ANKRD30A: variants seen among roughly 807,000 people sequenced by gnomAD.
ANKRD30A encodes the protein ankyrin repeat domain 30A.
A neutral mutation model predicts 166.3 loss-of-function variants in ANKRD30A; 170 were observed. The ratio of observed to expected loss-of-function variants is 1.02; its 90% confidence interval spans 0.90 to 1.16. ANKRD30A has a LOEUF of 1.16. Ranked by LOEUF, ANKRD30A falls within the 50% of genes most tolerant of loss-of-function variation. The probability of loss-of-function intolerance (pLI) is 0.00; values close to 1 mark genes in which losing one functional copy is unlikely to be tolerated. For synonymous variants in ANKRD30A, 564 were observed against 508.9 expected, an observed-to-expected ratio of 1.11 and a Z score of -1.46; for missense variants, 1,630 against 1,518.0, an observed-to-expected ratio of 1.07 and a Z score of -1.23.
At position 37,201,236 on chromosome 10, in the gene ANKRD30A, G is replaced by C; in HGVS notation, c.2780G>C (p.Ser927Thr). The change falls in exon 31 of 36, where the codon AGT becomes ACT. Residue 927 changes from serine to threonine, a missense_variant and splice_region_variant. By Grantham distance (58) the Ser-to-Thr change is moderately conservative. Coordinates refer to ENST00000361713, the MANE Select transcript of ANKRD30A (RefSeq NM_052997.3). ...ATTTATTGATATTACTTTTAACAGA[G>C]TCTCCGTGAGACTGTTTCACAGAAG... The part of the protein sequence containing the change: ...KVEENSWDSE[S>T]LRETVSQKDV... The C allele has an allele frequency of 6.4e-7, 1 of 1,554,710 alleles. No individual in the cohort carries two copies. Among genetic ancestry groups the C allele is most frequent in the Non-Finnish European group, 8.7e-7 (1 of 1,153,980 alleles).
chr10:37,213,285 T>C (rs531954168), intron 31 of ANKRD30A, among the ~76,000 whole-genome samples: 1 of 151,938 alleles, frequency 6.6e-6, no homozygotes, highest in Admixed American at 6.6e-5. Flanking sequence ...CACTTCATGA[T>C]TCATCGATGC....
At chr10:37,196,449 C>T (rs1482034430) in intron 27 of ANKRD30A, among the ~76,000 whole-genome samples, 3 of 152,018 alleles carry the variant, frequency 2.0e-5, no homozygotes, top group Non-Finnish European at 4.4e-5. Context: ...GGTAAAATTG[C>T]CATTCCATAA....
At chr10:37,223,620 A>G (rs1302551816) in intron 34 of ANKRD30A, among the ~76,000 whole-genome samples, 1 of 151,416 alleles carries the variant, frequency 6.6e-6, no homozygotes, top group Non-Finnish European at 1.5e-5. Context: ...AATTCCACAA[A>G]TGATACTAAT....
At chr10:37,162,279 T>C (rs965956678) in intron 15 of ANKRD30A, among the ~76,000 whole-genome samples, 14 of 152,174 alleles carry the variant, frequency 9.2e-5, no homozygotes, top group African/African-American at 2.9e-4. Context: ...TTTCCGAAGA[T>C]AGGCTATATT....
intron 15 of ANKRD30A, among the ~76,000 whole-genome samples, chr10:37,159,796 G>T (rs1489266236): frequency 6.6e-6 from 1 of 151,992 alleles, no homozygotes; most frequent in Non-Finnish European, 1.5e-5. Flanking sequence ...CCGGGTTCAC[G>T]CCATTCTCCT....
chr10:37,127,857 C>T (rs898187930), intron 1 of ANKRD30A, among the ~76,000 whole-genome samples: 12 of 151,882 alleles, frequency 7.9e-5, no homozygotes, highest in Non-Finnish European at 1.5e-4. Flanking sequence ...TGGTAAGTAC[C>T]ATATTTAAAA....
rs574125577 is a variant in ANKRD30A at position 37,179,101 on chromosome 10, T to C, written c.2421+2883T>C. On this transcript the variant is annotated intron_variant, in intron 24 of 35. Coordinates refer to ENST00000361713, the MANE Select transcript of ANKRD30A (RefSeq NM_052997.3). The stretch of plus-strand genomic sequence containing the variant: ...GTATGTATGTTTTTGACGTTCACAA[T>C]TTGAATAAGATATACTTGAATGTAA... Among the ~76,000 whole-genome samples, 190 of 149,176 alleles carry C rather than the reference T, an allele frequency of 1.3e-3. 1 individual carries two copies. The highest frequency in any genetic ancestry group is 4.6e-3 in the African/African-American group (187 of 40,882).
chr10:37,161,016 G>A (rs1838812923), intron 15 of ANKRD30A, among the ~76,000 whole-genome samples: 1 of 152,238 alleles, frequency 6.6e-6, no homozygotes, highest in Non-Finnish European at 1.5e-5. Flanking sequence ...CACGTTGGGA[G>A]GCCGTGACTG....
Position 37,159,212 on chromosome 10 carries a change from C to A in ANKRD30A, c.1900+626C>A, listed in dbSNP as rs1312289383. ...ATTAGTTTTTGCTGTCATTCCCATG[C>A]ACGTTTAAAACATTTTACAACAGGC... On this transcript the variant is annotated intron_variant, in intron 15 of 35. Transcript: ENST00000361713. Among the ~76,000 whole-genome samples, 6 of 152,126 alleles carry A rather than the reference C, an allele frequency of 3.9e-5. No homozygotes were observed. The South Asian group carries it at 1.0e-3, about 26-fold the overall frequency.
intron 31 of ANKRD30A, among the ~76,000 whole-genome samples, chr10:37,206,336 G>C (rs1304662838): frequency 1.3e-5 from 2 of 152,144 alleles, no homozygotes; most frequent in African/African-American, 4.8e-5. Flanking sequence ...ATTGGAAGAA[G>C]GAGGTATTAC....
intron 29 of ANKRD30A, among the ~76,000 whole-genome samples, chr10:37,197,968 C>G (rs1329543987): frequency 2.6e-5 from 4 of 151,694 alleles, no homozygotes; most frequent in African/African-American, 9.7e-5. Context: ...GTGTGTGTGT[C>G]TGCGTGTGTG....
intron 8 of ANKRD30A, 30 bp downstream of exon 8, chr10:37,145,086 A>T (rs1837402772): frequency 6.7e-7 from 1 of 1,492,474 alleles, no homozygotes; most frequent in Non-Finnish European, 9.1e-7. Context: ...TTATTCTCTA[A>T]AAATATTAAT....
intron 31 of ANKRD30A, among the ~76,000 whole-genome samples, chr10:37,206,041 C>A (rs1767365): frequency 0.37 from 56,411 of 151,828 alleles, 10,788 homozygotes; most frequent in Admixed American, 0.42. Context: ...GGTTAAAAAG[C>A]AAAAACAGAA....
chr10:37,239,662 C>T, the ANKRD30A span, among the ~76,000 whole-genome samples: 2 of 152,042 alleles, frequency 1.3e-5, no homozygotes, highest in African/African-American at 4.8e-5. Context: ...ATTCTCTAAC[C>T]TTTGTAGTAG....
intron 1 of ANKRD30A, among the ~76,000 whole-genome samples, chr10:37,128,667 ATGCCTAT>A (rs1426577221): frequency 6.6e-6 from 1 of 152,092 alleles, no homozygotes; most frequent in African/African-American, 2.4e-5. Flanking sequence ...TGTAAGCTGA[ATGCCTAT>A]TGTGTAAAAG....
chr10:37,241,157 A>G, the ANKRD30A span: 1 of 151,732 alleles, frequency 6.6e-6, no homozygotes. Flanking sequence ...GAACATAAAT[A>G]TTTTTCTTTC....
At chr10:37,221,686 A>G (rs1217612863) in intron 34 of ANKRD30A, among the ~76,000 whole-genome samples, 1 of 151,206 alleles carries the variant, frequency 6.6e-6, no homozygotes, top group Non-Finnish European at 1.5e-5. Context: ...TTTTCTCATA[A>G]TATTTACCCT....
At chr10:37,206,186 G>A (rs560498128) in intron 31 of ANKRD30A, among the ~76,000 whole-genome samples, 37 of 152,266 alleles carry the variant, frequency 2.4e-4, no homozygotes, top group African/African-American at 8.7e-4. Context: ...AATAGCAATT[G>A]TGAGGCATGA....
intron 34 of ANKRD30A, among the ~76,000 whole-genome samples, chr10:37,223,076 A>G (rs59519210): frequency 0.012 from 1,812 of 151,486 alleles, 39 homozygotes; most frequent in African/African-American, 0.042. Flanking sequence ...ATAGAGGACA[A>G]TTGTTCTAGT....
Sources: allele counts gnomAD v4.1 joint callset (sites outside exome capture counted in the v4.1 genomes callset), GRCh38; gene constraint gnomAD v4.1.1; transcripts MANE v1.5; gene names NCBI Gene and HGNC (gene_info 2026-07-23, HGNC 2026-07-21).